OTUD7A: variants seen among roughly 807,000 people sequenced by gnomAD.
The protein encoded by OTUD7A is OTU deubiquitinase 7A, also known as OTU domain-containing protein 7A.
Under a neutral mutation model 65.7 loss-of-function variants are expected in OTUD7A, and 12 were observed. The ratio of observed to expected loss-of-function variants is 0.18; its 90% confidence interval spans 0.12 to 0.30. The LOEUF (loss-of-function observed/expected upper bound fraction) is 0.30, where lower values mean the gene tolerates loss of function less well. Among genes scored for constraint, OTUD7A ranks in the 10% least tolerant of loss-of-function variants. OTUD7A has a pLI of 1.00. For synonymous variants in OTUD7A, 641 were observed against 586.3 expected, an observed-to-expected ratio of 1.09 and a Z score of -1.35; for missense variants, 1,148 against 1,304.8, an observed-to-expected ratio of 0.88 and a Z score of 1.85.
intron 3 of OTUD7A, chr15:31,649,601 G>C (rs34654306): frequency 0.016 from 2,951 of 179,306 alleles, 97 homozygotes; most frequent in African/African-American, 0.066. Context: ...GAAACACTGG[G>C]TTTAGAGAAA....
chr15:31,609,284 G>A (rs748923740), intron 3 of OTUD7A, among the ~76,000 whole-genome samples: 1 of 152,218 alleles, frequency 6.6e-6, no homozygotes, highest in African/African-American at 2.4e-5. Flanking sequence ...AGGAACTAAA[G>A]CCCTTTTCTT....
At chr15:31,631,576 C>T (rs1213013091) in intron 3 of OTUD7A, among the ~76,000 whole-genome samples, 1 of 152,152 alleles carries the variant, frequency 6.6e-6, no homozygotes, top group Non-Finnish European at 1.5e-5. Context: ...CTTGGAGCTG[C>T]TCTTCTCGAG....
At position 31,487,682 on chromosome 15, in the gene OTUD7A, A is replaced by G. The variant is rs552114942; in HGVS notation, c.1172-116T>C. The G allele has an allele frequency of 8.8e-5, 65 of 738,860 alleles. No homozygotes were observed. The African/African-American group carries it at 1.1e-3, about 13-fold the overall frequency. 45.8% of individuals were successfully genotyped at this position (738,860 alleles called of 1,614,324 possible). ...AAATGCACCGAGTGGACATCTACAC[A>G]GATCTGTGCCAGCAGGAGCATGAAG... On this transcript the variant is annotated intron_variant, in intron 10 of 12. Coordinates refer to ENST00000307050, the MANE Select transcript of OTUD7A (RefSeq NM_001382637.1). This position sits in a 1 kb window ranked among gnomAD's most constrained non-coding sequence, Gnocchi z 6.0.
chr15:31,609,009 G>A lies in OTUD7A; in HGVS notation c.152-38812C>T, dbSNP rs535745241. On this transcript the variant is annotated intron_variant, in intron 3 of 12. Coordinates refer to ENST00000307050, the MANE Select transcript of OTUD7A (RefSeq NM_001382637.1). ...ACTGAAGGTCTAGTTTGTGGGAGAA[G>A]TTTCTGACCTTACCTGGAGCAGAGT... 9.8e-5 allele frequency among the ~76,000 whole-genome samples: 15 copies of A among 152,290 alleles called. No homozygotes were observed. In the South Asian group the frequency reaches 3.1e-3, roughly 32 times the overall value.
At chr15:31,669,378 A>G (rs567135187) in intron 1 of OTUD7A, among the ~76,000 whole-genome samples, 1 of 152,212 alleles carries the variant, frequency 6.6e-6, no homozygotes, top group South Asian at 2.1e-4. Context: ...TTGTGTACCT[A>G]CGAGGATTAT....
chr15:31,741,027 T>C (rs978939662), intron 1 of OTUD7A, among the ~76,000 whole-genome samples: 2 of 152,378 alleles, frequency 1.3e-5, no homozygotes, highest in South Asian at 2.1e-4. Context: ...TATAGAATTA[T>C]ACTCTCAAGA....
intron 5 of OTUD7A, among the ~76,000 whole-genome samples, chr15:31,541,417 C>G (rs1053484543): frequency 6.6e-6 from 1 of 152,004 alleles, no homozygotes; most frequent in Admixed American, 6.6e-5. Flanking sequence ...CTCTGTAATA[C>G]TTAGCAAAAA....
At chr15:31,813,992 T>C (rs1896485711) in intron 1 of OTUD7A, among the ~76,000 whole-genome samples, 1 of 152,036 alleles carries the variant, frequency 6.6e-6, no homozygotes, top group South Asian at 2.1e-4. Flanking sequence ...GATAAGAAAT[T>C]GGCAAGAAAA....
At chr15:31,763,832 C>T (rs1342758698) in intron 1 of OTUD7A, among the ~76,000 whole-genome samples, 1 of 152,152 alleles carries the variant, frequency 6.6e-6, no homozygotes, top group African/African-American at 2.4e-5. Context: ...GAGAACAACC[C>T]TCTGAATGAC....
rs952356490 is a variant in OTUD7A, at chr15:31,479,963, A to C, written c.*3331T>G. ...GTGCAGTACCAAAATCCATGAACAG[A>C]AAAAAGGAAATCAAGCTTTCAATAA... On this transcript the variant is annotated 3_prime_UTR_variant, in exon 13 of 13. Coordinates refer to ENST00000307050, the MANE Select transcript of OTUD7A (RefSeq NM_001382637.1). 6.6e-6 allele frequency: 1 copy of C among 152,330 alleles called. No homozygotes were observed. Among genetic ancestry groups the C allele is most frequent in the African/African-American group, 2.4e-5 (1 of 41,576 alleles). The allele number at this position is 152,330 out of a possible 1,614,324, so 9.4% of individuals were successfully genotyped here. A position where few individuals can be genotyped will look rare whatever the true frequency, so the allele number is the denominator to read the frequency against.
At chr15:31,849,372 A>C (rs1040483035) in intron 1 of OTUD7A, among the ~76,000 whole-genome samples, 1 of 152,186 alleles carries the variant, frequency 6.6e-6, no homozygotes, top group Admixed American at 6.6e-5. Flanking sequence ...GAAACTGGAT[A>C]CCTTCCTTAC....
intron 3 of OTUD7A, among the ~76,000 whole-genome samples, chr15:31,587,570 G>A (rs1430131945): frequency 6.6e-6 from 1 of 152,004 alleles, no homozygotes; most frequent in East Asian, 1.9e-4. Context: ...GAACCCAGGG[G>A]GAGAGGTTGC....
At chr15:31,847,448 T>C (rs1157602141) in intron 1 of OTUD7A, among the ~76,000 whole-genome samples, 4 of 152,122 alleles carry the variant, frequency 2.6e-5, no homozygotes, top group Non-Finnish European at 5.9e-5. Context: ...TTTGTAAAGG[T>C]CCCAGGTCAC....
chr15:31,864,203 C>A (rs1294426483), intron 1 of OTUD7A, among the ~76,000 whole-genome samples: 1 of 152,236 alleles, frequency 6.6e-6, no homozygotes, highest in Non-Finnish European at 1.5e-5. Flanking sequence ...AACTTTCCCA[C>A]ATTTTCCTGT....
intron 10 of OTUD7A, among the ~76,000 whole-genome samples, chr15:31,490,913 C>G (rs1240496036): frequency 6.6e-6 from 1 of 152,204 alleles, no homozygotes; most frequent in East Asian, 1.9e-4. Context: ...AAGCATCTGT[C>G]TTAGGCAGGC....
chr15:31,659,432 G>T (rs1256392961), intron 1 of OTUD7A, among the ~76,000 whole-genome samples: 4 of 152,208 alleles, frequency 2.6e-5, no homozygotes, highest in African/African-American at 9.7e-5. Flanking sequence ...CAACTCTAAG[G>T]TGAGGCGAGG....
At chr15:31,698,336 C>T (rs958490688) in intron 1 of OTUD7A, among the ~76,000 whole-genome samples, 11 of 152,164 alleles carry the variant, frequency 7.2e-5, no homozygotes, top group Non-Finnish European at 1.2e-4. Context: ...GCAAAGAGAC[C>T]GGCAAGAGGG....
intron 4 of OTUD7A, among the ~76,000 whole-genome samples, chr15:31,561,181 C>T (rs970814921): frequency 6.6e-6 from 1 of 152,190 alleles, no homozygotes; most frequent in Non-Finnish European, 1.5e-5. Context: ...AGTTAAACCA[C>T]ACAGGACATT....
intron 3 of OTUD7A, among the ~76,000 whole-genome samples, chr15:31,579,928 GA>G (rs1011333010): frequency 6.5e-4 from 99 of 152,296 alleles, no homozygotes; most frequent in African/African-American, 2.3e-3. Context: ...ATAATGTAGG[GA>G]AAAATACAGA....
Sources: gnomAD v4.1 joint callset for allele counts (sites outside exome capture counted in the v4.1 genomes callset) on GRCh38, gnomAD v4.1.1 for gene constraint, Gnocchi (gnomAD v3.1) non-coding constraint, MANE v1.5 for transcripts, NCBI Gene and HGNC (gene_info 2026-07-23, HGNC 2026-07-21) for gene names.